The following NTRK2 variants were observed in gnomAD, a reference collection of about 807,000 sequenced individuals.
NTRK2 encodes BDNF/NT-3 growth factors receptor.
In NTRK2, 13 loss-of-function variants were observed where a neutral mutation model predicts 94.5. The observed-to-expected ratio is 0.14, with a 90% CI of 0.09 to 0.22. The LOEUF is 0.22. Among genes scored for constraint, NTRK2 ranks in the 10% least tolerant of loss-of-function variants. The pLI is 1.00. For synonymous variants in NTRK2, 372 were observed against 407.4 expected, an observed-to-expected ratio of 0.91 and a Z score of 1.05; for missense variants, 639 against 1,071.2, an observed-to-expected ratio of 0.60 and a Z score of 5.63.
rs1225192840 is a variant in NTRK2, at chr9:85,022,105, T to C, written c.*668T>C. ...AACCAGAGAGAAAGAAGATTTATTA[T>C]GAACCGCAATATGGGAGGAACAAAG... On this transcript the variant is annotated 3_prime_UTR_variant, in exon 19 of 19. Coordinates refer to ENST00000277120, the MANE Select transcript of NTRK2 (RefSeq NM_006180.6). 1 of 233,374 alleles carries C rather than the reference T, an allele frequency of 4.3e-6. No homozygotes were observed. The highest frequency in any genetic ancestry group is 6.0e-5 in the East Asian group (1 of 16,594). The allele number at this position is 233,374 out of a possible 1,614,324, so 14.5% of individuals were successfully genotyped here.
intron 14 of NTRK2, chr9:84,876,973 A>G (rs974010469): frequency 1.9e-6 from 2 of 1,060,962 alleles, no homozygotes; most frequent in Non-Finnish European, 2.3e-6. Context: ...AGAGGAAAAC[A>G]CTCATTTTCT....
At chr9:84,845,407 C>G (rs2131831154) in intron 12 of NTRK2, among the ~76,000 whole-genome samples, 1 of 152,238 alleles carries the variant, frequency 6.6e-6, no homozygotes, top group South Asian at 2.1e-4. Flanking sequence ...GTTGAATAAA[C>G]CCAAAGAGGA....
intron 14 of NTRK2, among the ~76,000 whole-genome samples, chr9:84,870,324 T>TGG: frequency 1.7e-5 from 1 of 58,584 alleles, no homozygotes; most frequent in Non-Finnish European, 3.5e-5. Context: ...ATGTGGGGTG[T>TGG]GTGTGTGTAT....
At chr9:84,927,356 G>A (rs191108319) in intron 14 of NTRK2, among the ~76,000 whole-genome samples, 1 of 152,134 alleles carries the variant, frequency 6.6e-6, no homozygotes. Flanking sequence ...AAAATCTTTT[G>A]TGAATGGAGC....
Position 85,005,895 on chromosome 9 carries a change from T to A in NTRK2, c.2173-14311T>A, listed in dbSNP as rs1830910337. On this transcript the variant is annotated intron_variant, in intron 17 of 18. Transcript: ENST00000277120. ...TTACTCTATTATTTTGGCACAGTATTTATCACCACCTGAAATTATTGTGCC... is the reference window on the plus strand; with the variant it reads ...TTACTCTATTATTTTGGCACAGTATATATCACCACCTGAAATTATTGTGCC... 2.0e-5 allele frequency among the ~76,000 whole-genome samples: 3 copies of A among 152,172 alleles called. No homozygotes were observed. The South Asian group carries it at 6.2e-4, about 31-fold the overall frequency.
intron 17 of NTRK2, among the ~76,000 whole-genome samples, chr9:84,984,029 A>G (rs1004178646): frequency 6.6e-6 from 1 of 152,204 alleles, no homozygotes; most frequent in Non-Finnish European, 1.5e-5. Flanking sequence ...CCTCAGTTTC[A>G]TCATATCCAA....
intron 12 of NTRK2, among the ~76,000 whole-genome samples, chr9:84,845,484 C>G (rs778899552): frequency 1.2e-4 from 18 of 152,278 alleles, no homozygotes; most frequent in South Asian, 4.1e-4. Flanking sequence ...ATCTTGCTAA[C>G]TTCTGAATTT....
At chr9:85,014,960 T>C (rs1832057889) in intron 17 of NTRK2, among the ~76,000 whole-genome samples, 1 of 152,236 alleles carries the variant, frequency 6.6e-6, no homozygotes, top group African/African-American at 2.4e-5. Flanking sequence ...TTGATTTATT[T>C]TAGGCACTAT....
In NTRK2 at chr9:84,809,727, C is replaced by T. The variant is rs147095080; in HGVS notation, c.1397-51313C>T. ...TGAAACCCTGCCGCTACTAAAAATA[C>T]AAAAATTAGCCGCGCGTGGTGGCAC... is the stretch of plus-strand genomic sequence containing the variant. On this transcript the variant is annotated intron_variant, in intron 12 of 18. Transcript: ENST00000277120. Among the ~76,000 whole-genome samples, 47 of 151,368 alleles carry T rather than the reference C, an allele frequency of 3.1e-4. 1 individual carries two copies. The East Asian group carries it at 4.5e-3, about 14-fold the overall frequency.
chr9:84,860,926 TATTTATTTTTG>T, intron 12 of NTRK2, 103 bp from the exon 13 acceptor site: 1 of 504,644 alleles, frequency 2.0e-6, no homozygotes, highest in Non-Finnish European at 3.5e-6. Context: ...TTTATTTATT[TATTTATTTTTG>T]TCGGGGGGAG....
intron 2 of NTRK2, among the ~76,000 whole-genome samples, chr9:84,684,679 T>G (rs2059602460): frequency 1.3e-5 from 2 of 152,250 alleles, no homozygotes; most frequent in South Asian, 4.1e-4. Flanking sequence ...TCAAACCTTT[T>G]GTCCTTTGTC....
In NTRK2 at chr9:84,904,461, T is replaced by C. The variant is rs187911214; in HGVS notation, c.1634-29701T>C. Reference sequence around the variant, plus strand: ...TCTCTACCATCATACACCAACATAATATTTTATCTTCTTATAACAACTGTG... The same window carrying C: ...TCTCTACCATCATACACCAACATAACATTTTATCTTCTTATAACAACTGTG... On this transcript the variant is annotated intron_variant, in intron 14 of 18. Transcript: ENST00000277120. Among the ~76,000 whole-genome samples, 3 of 152,348 alleles carry C rather than the reference T, an allele frequency of 2.0e-5. No individual in the cohort carries two copies. The East Asian group carries it at 5.8e-4, about 29-fold the overall frequency.
intron 14 of NTRK2, chr9:84,875,775 C>T (rs2076039841): frequency 1.9e-6 from 2 of 1,050,250 alleles, no homozygotes; most frequent in Admixed American, 5.5e-5. Context: ...GCCTTCCTTC[C>T]TCTCCTGATG....
At chr9:84,927,236 C>A (rs1447300847) in intron 14 of NTRK2, among the ~76,000 whole-genome samples, 2 of 152,202 alleles carry the variant, frequency 1.3e-5, no homozygotes, top group African/African-American at 4.8e-5. Context: ...ACCCAAGAAT[C>A]TTCATGCTTG....
chr9:85,000,412 C>G (rs1263225903), intron 17 of NTRK2, among the ~76,000 whole-genome samples: 1 of 152,184 alleles, frequency 6.6e-6, no homozygotes, highest in Admixed American at 6.5e-5. Context: ...TCCCTATCCC[C>G]TAGCCACTGG....
intron 14 of NTRK2, among the ~76,000 whole-genome samples, chr9:84,903,882 A>G (rs964619021): frequency 2.6e-5 from 4 of 152,118 alleles, no homozygotes; most frequent in African/African-American, 9.7e-5. Flanking sequence ...TGCATCCACC[A>G]TTACTGATGG....
intron 15 of NTRK2, among the ~76,000 whole-genome samples, chr9:84,945,521 A>G (rs574150431): frequency 2.0e-5 from 3 of 152,206 alleles, no homozygotes; most frequent in Middle Eastern, 6.8e-3. Flanking sequence ...CATACCCTCC[A>G]TACCTCATCT....
At chr9:84,819,313 A>G (rs765488077) in intron 12 of NTRK2, among the ~76,000 whole-genome samples, 16 of 152,206 alleles carry the variant, frequency 1.1e-4, no homozygotes, top group Admixed American at 5.9e-4. Flanking sequence ...AAATTCATGC[A>G]ATTTCACCTC....
chr9:84,966,237 C>G (rs1179429083), intron 17 of NTRK2, among the ~76,000 whole-genome samples: 1 of 152,132 alleles, frequency 6.6e-6, no homozygotes, highest in Non-Finnish European at 1.5e-5. Flanking sequence ...ATAGAACTTC[C>G]TACTGCATGG....
Sources: gnomAD v4.1 joint callset for allele counts (sites outside exome capture counted in the v4.1 genomes callset) on GRCh38, gnomAD v4.1.1 for gene constraint, MANE v1.5 for transcripts, NCBI Gene and HGNC (gene_info 2026-07-23, HGNC 2026-07-21) for gene names.